MIER3: variants seen among roughly 807,000 people sequenced by gnomAD.
MIER3 encodes the protein mesoderm induction early response protein 3.
In MIER3, 9 loss-of-function variants were observed where a neutral mutation model predicts 63.2. The observed-to-expected ratio is 0.14, with a 90% CI of 0.09 to 0.25. The LOEUF (loss-of-function observed/expected upper bound fraction) is 0.25, where lower values mean the gene tolerates loss of function less well. Among genes scored for constraint, MIER3 ranks in the 10% least tolerant of loss-of-function variants. MIER3 has a pLI of 1.00. For synonymous variants in MIER3, 205 were observed against 224.9 expected (o/e 0.91, Z 0.79); for missense variants, 512 against 666.2 (o/e 0.77, Z 2.55).
intron 3 of MIER3, among the ~76,000 whole-genome samples, chr5:56,940,408 G>C (rs1204861178): frequency 1.3e-5 from 2 of 152,216 alleles, no homozygotes; most frequent in Admixed American, 6.5e-5. Flanking sequence ...AGTGACCTGA[G>C]AAGAGCCAGT....
intron 3 of MIER3, among the ~76,000 whole-genome samples, chr5:56,939,735 G>A (rs1750575084): frequency 6.6e-6 from 1 of 152,178 alleles, no homozygotes; most frequent in African/African-American, 2.4e-5. Flanking sequence ...ATGCCTCACA[G>A]TGACACCAAG....
At chr5:56,930,230 A>G (rs1387500998) in intron 9 of MIER3, among the ~76,000 whole-genome samples, 1 of 152,278 alleles carries the variant, frequency 6.6e-6, no homozygotes, top group East Asian at 1.9e-4. Flanking sequence ...ATGTTATTAC[A>G]TGATTACTAA....
At chr5:56,950,703 A>C (rs775229055) in intron 1 of MIER3, 51 bp from the exon 2 acceptor site, 2 of 1,606,754 alleles carry the variant, frequency 1.2e-6, no homozygotes. Flanking sequence ...CCAGGGAAAG[A>C]GGCAGCGCCG....
chr5:56,945,125 A>G (rs1750784056), intron 3 of MIER3, among the ~76,000 whole-genome samples: 1 of 152,176 alleles, frequency 6.6e-6, no homozygotes, highest in African/African-American at 2.4e-5. Context: ...GTGAACATCA[A>G]GGGGGTAATT....
Position 56,923,529 on chromosome 5 carries a change from C to T in MIER3, c.1252G>A (p.Asp418Asn). 1 of 1,614,128 alleles carries T rather than the reference C, an allele frequency of 6.2e-7. No homozygotes were observed. Among genetic ancestry groups the T allele is most frequent in the East Asian group, 2.2e-5 (1 of 44,844 alleles). Residue 418 changes from aspartate to asparagine, a missense_variant, in exon 13 of 13, where the codon GAT becomes AAT. Around this residue, in one of 5 missense-constraint regions of MIER3, gnomAD observed 218 missense variants for 251.2 expected, o/e 0.87. Coordinates refer to ENST00000381199, the MANE Select transcript of MIER3 (RefSeq NM_001297599.2). ...GTGTTGCCCAGTGGAGGAAAGCTAT[C>T]ATCCAAACAATTCACATCTGTGGGG... is the stretch of plus-strand genomic sequence containing the variant. Reference protein sequence around the residue: ...CDPTDVNCLDDSFPPLGNTPR... With the variant: ...CDPTDVNCLDNSFPPLGNTPR...
chr5:56,947,100 C>T (rs746333855), intron 2 of MIER3, 29 bp from the exon 3 acceptor site: 3 of 1,589,446 alleles, frequency 1.9e-6, no homozygotes, highest in African/African-American at 1.4e-5. Flanking sequence ...AATCACTTTA[C>T]ACATTTACAA....
rs766057009 is a variant in MIER3, at chr5:56,935,712, T to C, written c.476A>G (p.Glu159Gly). 3.7e-6 allele frequency: 6 copies of C among 1,614,146 alleles called. No individual in the cohort carries two copies. Among genetic ancestry groups the C allele is most frequent in the Admixed American group, 1.7e-5 (1 of 60,030 alleles). ...ATTACCACTGTCTGTTTCAACATCT[T>C]CAACCTCTGATTCCTTATCACCATC... ...ACDGDKESEV[E>G]DVETDSGNSP... Residue 159 changes from glutamate (E) to glycine (G), a missense_variant, in exon 6 of 13, where the codon GAA (glutamate) becomes GGA (glycine). Transcript: ENST00000381199.
At chr5:56,950,800 C>A (rs931972122) in intron 1 of MIER3, 148 bp from the exon 2 acceptor site, 37 of 849,638 alleles carry the variant, frequency 4.4e-5, no homozygotes, top group Non-Finnish European at 6.8e-5. Context: ...TCGCTCCCGG[C>A]CCCTTTCGGG....
chr5:56,946,271 T>C lies in MIER3; in HGVS notation c.180+655A>G, dbSNP rs10513096. Among the ~76,000 whole-genome samples, 1,502 of 152,282 alleles carry C rather than the reference T, an allele frequency of 9.9e-3. 23 individuals are homozygous for C. The highest frequency in any genetic ancestry group is 0.034 in the African/African-American group (1,434 of 41,566). ...TAAGAAATTTTCAAATATGGTTAAG[T>C]AAGCATAAATCCTACACGTTTTCAA... On this transcript the variant is annotated intron_variant, in intron 3 of 12. Transcript: ENST00000381199.
chr5:56,943,662 G>A (rs751372929), intron 3 of MIER3, among the ~76,000 whole-genome samples: 38 of 152,250 alleles, frequency 2.5e-4, no homozygotes, highest in Non-Finnish European at 5.0e-4. Context: ...AACTGGAAAA[G>A]GTGAATCTAG....
rs78307493 is a variant in MIER3, at chr5:56,932,344, A to G, written c.747+903T>C. Among the ~76,000 whole-genome samples, 663 of 152,334 alleles carry G rather than the reference A, an allele frequency of 4.4e-3. 8 individuals carry two copies. The highest frequency in any genetic ancestry group is 0.015 in the African/African-American group (629 of 41,576). The stretch of plus-strand genomic sequence containing the variant: ...ACACACATATAAAAGATATTGAGGT[A>G]TTACTGAGATGCATGTGATATTCAA... On this transcript the variant is annotated intron_variant, in intron 8 of 12. Transcript: ENST00000381199.
intron 3 of MIER3, among the ~76,000 whole-genome samples, chr5:56,942,288 T>C (rs1462435702): frequency 6.6e-6 from 1 of 152,214 alleles, no homozygotes; most frequent in Admixed American, 6.5e-5. Context: ...CTATGGGCAA[T>C]GGGTATGTCT....
At chr5:56,927,012 C>T (rs1167341756) in intron 10 of MIER3, among the ~76,000 whole-genome samples, 2 of 152,056 alleles carry the variant, frequency 1.3e-5, no homozygotes, top group African/African-American at 2.4e-5. Context: ...CTGTATAATT[C>T]CAACTATATG....
chr5:56,924,452 G>A (rs1749860026), intron 10 of MIER3, among the ~76,000 whole-genome samples: 1 of 152,160 alleles, frequency 6.6e-6, no homozygotes, highest in Non-Finnish European at 1.5e-5. Context: ...ATTTCATTGA[G>A]ATCTATTAAT....
chr5:56,928,668 T>A, intron 10 of MIER3, 99 bp downstream of exon 10: 1 of 792,668 alleles, frequency 1.3e-6, no homozygotes, highest in Non-Finnish European at 2.0e-6. Context: ...TAAGGGAACA[T>A]TAGTAAGTTG....
intron 3 of MIER3, among the ~76,000 whole-genome samples, chr5:56,944,167 G>A (rs1750747042): frequency 6.6e-6 from 1 of 152,112 alleles, no homozygotes; most frequent in South Asian, 2.1e-4. Flanking sequence ...TCCACCACCT[G>A]CACTGTTTAG....
At chr5:56,950,311 G>A (rs1043969126) in intron 2 of MIER3, among the ~76,000 whole-genome samples, 1 of 152,228 alleles carries the variant, frequency 6.6e-6, no homozygotes, top group Non-Finnish European at 1.5e-5. Context: ...AATTGCTAAA[G>A]TTGGTGTCAA....
At chr5:56,925,463 C>G (rs1274032575) in intron 10 of MIER3, 2 of 319,118 alleles carry the variant, frequency 6.3e-6, no homozygotes, top group African/African-American at 4.4e-5. Context: ...TATATAACAG[C>G]AATGACGATT....
At chr5:56,930,962 A>G (rs73136981) in intron 8 of MIER3, among the ~76,000 whole-genome samples, 15 of 152,074 alleles carry the variant, frequency 9.9e-5, no homozygotes, top group African/African-American at 3.6e-4. Context: ...TCCTCATGCT[A>G]CCTCTCAGAA....
Sources: allele counts gnomAD v4.1 joint callset (sites outside exome capture counted in the v4.1 genomes callset), GRCh38; gene constraint gnomAD v4.1.1; regional missense constraint gnomAD v4.1.1; transcripts MANE v1.5; gene names NCBI Gene and HGNC (gene_info 2026-07-23, HGNC 2026-07-21).